Variants in RNF212B observed in about 807,000 individuals in gnomAD.
RNF212B encodes ring finger protein 212B, also known as E3 ubiquitin-protein ligase RNF212B.
In RNF212B, 52 loss-of-function variants were observed where a neutral mutation model predicts 55.5. The observed-to-expected ratio is 0.94, with a 90% CI of 0.75 to 1.18. RNF212B has a LOEUF of 1.18. Ranked by LOEUF, RNF212B falls within the 50% of genes most tolerant of loss-of-function variation. RNF212B has a pLI of 0.00. For missense variants in RNF212B, 289 were observed against 350.4 expected (o/e 0.82, Z 1.40); for synonymous variants, 99 against 121.4 (o/e 0.82, Z 1.21).
In RNF212B at chr14:23,270,606, G is replaced by A; in HGVS notation, c.779G>A (p.Arg260Lys). 6.5e-7 allele frequency: 1 copy of A among 1,549,622 alleles called. No homozygotes were observed. ...RVLTPNNFAQ[R>K]ESTTTLESLP... The stretch of plus-strand genomic sequence containing the variant: ...GTTCCATTCTATCCTTCAGCTCAGA[G>A]GGAGAGCACAACTACACTAGAGAGT... The change falls in exon 14 of 15, where the codon AGG (arginine) becomes AAG (lysine). Residue 260 changes from arginine to lysine, a missense_variant. Physicochemically the swap from Arg to Lys is conservative, Grantham distance 26 (BLOSUM62 2). Transcript: ENST00000430154.
At chr14:23,242,270 G>T (rs908967830) in intron 2 of RNF212B, among the ~76,000 whole-genome samples, 3 of 152,068 alleles carry the variant, frequency 2.0e-5, no homozygotes, top group African/African-American at 7.2e-5. Context: ...CTTTGGAGTG[G>T]TTTGTCTCCG....
chr14:23,195,741 G>A (rs1370421284), intron 2 of RNF212B, among the ~76,000 whole-genome samples: 2 of 152,194 alleles, frequency 1.3e-5, no homozygotes, highest in Non-Finnish European at 2.9e-5. Context: ...GAAGGGACTA[G>A]CATGTATTGA....
intron 4 of RNF212B, among the ~76,000 whole-genome samples, chr14:23,248,982 T>TAGACAGCATGTAAGCAGCCAC (rs1224341319): frequency 3.3e-5 from 5 of 152,096 alleles, no homozygotes; most frequent in African/African-American, 9.7e-5. Context: ...GAAGCAGCCA[T>TAGACAGCATGTAAGCAGCCAC]AGACAGCATG....
At chr14:23,219,477 G>T (rs1378479183) in intron 2 of RNF212B, among the ~76,000 whole-genome samples, 1 of 145,094 alleles carries the variant, frequency 6.9e-6, no homozygotes, top group Non-Finnish European at 1.5e-5. Context: ...TCTCCTTCTA[G>T]TTTTTTTTTT....
intron 13 of RNF212B, among the ~76,000 whole-genome samples, 194 bp from the exon 14 acceptor site, chr14:23,270,404 ATC>A (rs1343214604): frequency 6.6e-6 from 1 of 152,174 alleles, no homozygotes; most frequent in African/African-American, 2.4e-5. Context: ...TCATAGTTAA[ATC>A]TCAGACCTCT....
chr14:23,216,652 G>A (rs1463627340), intron 2 of RNF212B, among the ~76,000 whole-genome samples: 3 of 151,880 alleles, frequency 2.0e-5, no homozygotes, highest in Non-Finnish European at 4.4e-5. Flanking sequence ...GGCCAAGGTA[G>A]GCAGATTGCT....
intron 4 of RNF212B, among the ~76,000 whole-genome samples, chr14:23,256,310 C>G (rs955620462): frequency 6.6e-6 from 1 of 151,964 alleles, no homozygotes. Context: ...CTCACTCCTA[C>G]CCCCCTGCCA....
At chr14:23,232,792 G>GT (rs1555314971) in intron 2 of RNF212B, among the ~76,000 whole-genome samples, 2 of 148,148 alleles carry the variant, frequency 1.3e-5, no homozygotes, top group African/African-American at 2.5e-5. Context: ...GGTGGGGGGG[G>GT]GGTCAGCCTC....
intron 2 of RNF212B, among the ~76,000 whole-genome samples, chr14:23,218,458 A>C (rs569777942): frequency 6.6e-6 from 1 of 151,964 alleles, no homozygotes; most frequent in East Asian, 1.9e-4. Flanking sequence ...TTGATCAAGC[A>C]GAAGAAAGAA....
At chr14:23,243,717 A>AGCAAGCAAGCAAGC (rs1309298309) in intron 3 of RNF212B, among the ~76,000 whole-genome samples, 1 of 116,846 alleles carries the variant, frequency 8.6e-6, no homozygotes, top group African/African-American at 3.9e-5. Flanking sequence ...AAAAAAAAAA[A>AGCAAGCAAGCAAGC]AAGCAAGCAA....
chr14:23,264,614 G>A lies in RNF212B; in HGVS notation c.586-9G>A, dbSNP rs1227118655. The A allele has an allele frequency of 9.7e-6, 13 of 1,338,902 alleles. No individual in the cohort carries two copies. Among genetic ancestry groups the A allele is most frequent in the Non-Finnish European group, 1.3e-5 (13 of 1,036,520 alleles). 82.9% of individuals were successfully genotyped at this position (1,338,902 alleles called of 1,614,324 possible). On this transcript the variant is annotated splice_polypyrimidine_tract_variant and intron_variant, in intron 10 of 14. Transcript: ENST00000430154. Reference sequence around the variant, plus strand: ...ATTTATTAATTGATGCTTATTATTTGTCTATCAGGGAGGCAGAGGTCTGCA... The same window carrying A: ...ATTTATTAATTGATGCTTATTATTTATCTATCAGGGAGGCAGAGGTCTGCA...
chr14:23,196,876 AT>A (rs1878767482), intron 2 of RNF212B, among the ~76,000 whole-genome samples: 1 of 151,906 alleles, frequency 6.6e-6, no homozygotes, highest in Non-Finnish European at 1.5e-5. Flanking sequence ...CACCCACCCC[AT>A]TCCTGGCCCT....
chr14:23,255,537 T>C (rs970311655), intron 4 of RNF212B, among the ~76,000 whole-genome samples: 6 of 152,180 alleles, frequency 3.9e-5, no homozygotes, highest in South Asian at 2.1e-4. Context: ...TTAAGTGTTA[T>C]CATCAATAGA....
intron 2 of RNF212B, among the ~76,000 whole-genome samples, chr14:23,230,665 A>C (rs1402693657): frequency 2.0e-5 from 3 of 149,908 alleles, no homozygotes; most frequent in Non-Finnish European, 4.4e-5. Flanking sequence ...AAAAAAAAAA[A>C]AAAAAAAAAA....
In RNF212B at chr14:23,273,131, A is replaced by G; in HGVS notation, c.*240A>G. On this transcript the variant is annotated 3_prime_UTR_variant, in exon 15 of 15. Coordinates refer to ENST00000430154, the MANE Select transcript of RNF212B (RefSeq NM_001282322.3). ...TATATCTCTTCCAGAAGACACTGGT[A>G]GCTCCCCTCATTTCCTACAATTTGG... 3.0e-6 allele frequency: 1 copy of G among 331,266 alleles called. No individual in the cohort carries two copies. Among genetic ancestry groups the G allele is most frequent in the Non-Finnish European group, 5.5e-6 (1 of 181,378 alleles). The allele number at this position is 331,266 out of a possible 1,614,324, so 20.5% of individuals were successfully genotyped here. A position where few individuals can be genotyped will look rare whatever the true frequency, so the allele number is the denominator to read the frequency against.
At chr14:23,204,598 C>T (rs1324497635) in intron 2 of RNF212B, among the ~76,000 whole-genome samples, 3 of 152,064 alleles carry the variant, frequency 2.0e-5, no homozygotes, top group African/African-American at 7.2e-5. Context: ...ATTTTTATAC[C>T]AGTACCATGC....
At chr14:23,200,132 G>T (rs73600465) in intron 2 of RNF212B, among the ~76,000 whole-genome samples, 7,009 of 151,974 alleles carry the variant, frequency 0.046, 541 homozygotes, top group African/African-American at 0.16. Context: ...ATCATGGTAG[G>T]ATTGGTTTGC....
At chr14:23,222,871 G>C (rs1223564641) in intron 2 of RNF212B, among the ~76,000 whole-genome samples, 1 of 151,890 alleles carries the variant, frequency 6.6e-6, no homozygotes, top group Non-Finnish European at 1.5e-5. Context: ...TGGCTAACAT[G>C]GTGAACCCCC....
chr14:23,238,435 TC>T (rs1883291579), intron 1 of RNF212B, among the ~76,000 whole-genome samples: 1 of 151,590 alleles, frequency 6.6e-6, no homozygotes, highest in African/African-American at 2.4e-5. Flanking sequence ...CACACACACA[TC>T]CTACGAAAAG....
Sources: gnomAD v4.1 joint callset for allele counts (sites outside exome capture counted in the v4.1 genomes callset) on GRCh38, gnomAD v4.1.1 for gene constraint, MANE v1.5 for transcripts, NCBI Gene and HGNC (gene_info 2026-07-23, HGNC 2026-07-21) for gene names.